Variants in CLCN6 observed in about 807,000 individuals in gnomAD.
CLCN6 encodes H(+)/Cl(-) exchange transporter 6.
CLCN6 carries 70 observed loss-of-function variants against 109.8 expected under a neutral mutation model. The observed-to-expected ratio is 0.64, with a 90% CI of 0.53 to 0.78. CLCN6 has a LOEUF of 0.78. Among genes scored for constraint, CLCN6 ranks in the 30% least tolerant of loss-of-function variants. The pLI, the probability that CLCN6 is intolerant of heterozygous loss-of-function variation, is 0.00. For synonymous variants in CLCN6, 444 were observed against 447.8 expected (o/e 0.99, Z 0.11); for missense variants, 984 against 1,142.3 (o/e 0.86, Z 2.00).
At chr1:11,839,642 T>C (rs943666369) in intron 22 of CLCN6, among the ~76,000 whole-genome samples, 4 of 152,248 alleles carry the variant, frequency 2.6e-5, no homozygotes, top group African/African-American at 9.6e-5. Context: ...GGTTAACTTA[T>C]GTCCCTTGAA....
In CLCN6 at chr1:11,827,430, C is replaced by CTTTTTTTTTTTT. The variant is rs59015951; in HGVS notation, c.840+221_840+232dup. On this transcript the variant is annotated intron_variant, in intron 10 of 22. Coordinates refer to ENST00000346436, the MANE Select transcript of CLCN6 (RefSeq NM_001286.5). ...CTAACCCCAAATCAAACCGCTGTTACTTTTTTTTTTTTTTTTTTTTTTTGA... is the reference window on the plus strand; with the variant it reads ...CTAACCCCAAATCAAACCGCTGTTACTTTTTTTTTTTTTTTTTTTTTTTTTTTTTTTTTTTGA... Among the ~76,000 whole-genome samples the CTTTTTTTTTTTT allele has an allele frequency of 1.7e-4, 18 of 105,026 alleles. 1 individual carries two copies. The highest frequency in any genetic ancestry group is 6.7e-4 in the South Asian group (2 of 3,000). The allele number at this position is 105,026 out of a possible 152,430, so 68.9% of individuals were successfully genotyped here. A position where few individuals can be genotyped will look rare whatever the true frequency, so the allele number is the denominator to read the frequency against.
chr1:11,826,303 G>T, intron 9 of CLCN6, 89 bp downstream of exon 9: 9 of 1,126,422 alleles, frequency 8.0e-6, no homozygotes, highest in Non-Finnish European at 1.2e-5. Flanking sequence ...TAGCCTGGCA[G>T]TATCCCCTGC....
intron 20 of CLCN6, among the ~76,000 whole-genome samples, chr1:11,837,774 G>T (rs1347533772): frequency 2.6e-5 from 4 of 152,128 alleles, no homozygotes; most frequent in African/African-American, 4.8e-5. Flanking sequence ...TAGCTCATGG[G>T]AGTTGCCTGC....
chr1:11,819,983 A>G (rs949947914), intron 5 of CLCN6, among the ~76,000 whole-genome samples: 29 of 152,066 alleles, frequency 1.9e-4, no homozygotes, highest in African/African-American at 4.1e-4. Flanking sequence ...GGAGTTAGGG[A>G]AAAAAAAGTC....
intron 5 of CLCN6, among the ~76,000 whole-genome samples, chr1:11,821,093 A>C (rs1249995671): frequency 6.6e-6 from 1 of 151,944 alleles, no homozygotes; most frequent in African/African-American, 2.4e-5. Flanking sequence ...ACAACAAAAA[A>C]AAAAAACAAA....
Position 11,834,006 on chromosome 1 carries a change from G to T in CLCN6, c.1502G>T (p.Arg501Leu). 1 of 1,614,080 alleles carries T rather than the reference G, an allele frequency of 6.2e-7. No individual in the cohort carries two copies. The change falls in exon 15 of 23, where the codon CGT becomes CTT. Residue 501 changes from arginine to leucine, a missense_variant. By Grantham distance (102) the Arg-to-Leu change is moderately radical. Coordinates refer to ENST00000346436, the MANE Select transcript of CLCN6 (RefSeq NM_001286.5). This position sits in a 1 kb window ranked among gnomAD's most constrained non-coding sequence, Gnocchi z 4.5. ...CTGCTGTGTGGAGCTGCTTTTGGAC[G>T]TTTAGTTGCCAATGTCCTAAAAAGG... ...PSLLCGAAFGRLVANVLKSYI... is the reference protein window; with the variant it reads ...PSLLCGAAFGLLVANVLKSYI...
chr1:11,817,672 A>G (rs1293479503), intron 4 of CLCN6, among the ~76,000 whole-genome samples: 1 of 152,232 alleles, frequency 6.6e-6, no homozygotes, highest in Non-Finnish European at 1.5e-5. Flanking sequence ...GGGATAGGGT[A>G]TCTGTCCTCA....
At chr1:11,838,244 G>A in intron 20 of CLCN6, 91 bp from the exon 21 acceptor site, 1 of 1,125,070 alleles carries the variant, frequency 8.9e-7, no homozygotes, top group South Asian at 1.3e-5. Context: ...CCTGGAGCTG[G>A]GCATATTCAG....
chr1:11,841,529 T>G lies in CLCN6; in HGVS notation c.*1306T>G, dbSNP rs757072162. On this transcript the variant is annotated 3_prime_UTR_variant, in exon 23 of 23. Coordinates refer to ENST00000346436, the MANE Select transcript of CLCN6 (RefSeq NM_001286.5). ...TGCTTATCTTCCCCCACCTTCTACA[T>G]GGTATTAGTCCCAGCAGGCATCCCT... 1 of 152,254 alleles carries G rather than the reference T, an allele frequency of 6.6e-6. No individual in the cohort carries two copies. The highest frequency in any genetic ancestry group is 1.5e-5 in the Non-Finnish European group (1 of 68,048). The allele number at this position is 152,254 out of a possible 1,614,324, so 9.4% of individuals were successfully genotyped here.
chr1:11,838,893 C>A (rs1337142441), intron 22 of CLCN6: 1 of 724,824 alleles, frequency 1.4e-6, no homozygotes, highest in Non-Finnish European at 2.6e-6. Flanking sequence ...CAGAGCCGCG[C>A]CTCTACCAGG....
chr1:11,839,070 T>C, intron 22 of CLCN6: 1 of 594,438 alleles, frequency 1.7e-6, no homozygotes, highest in Non-Finnish European at 3.0e-6. Flanking sequence ...ACTTTCCTTT[T>C]TTCTTCTTTT....
chr1:11,819,481 T>A lies in CLCN6; in HGVS notation c.280-7T>A. The A allele has an allele frequency of 6.2e-7, 1 of 1,614,010 alleles. No homozygotes were observed. On this transcript the variant is annotated splice_polypyrimidine_tract_variant and splice_region_variant and intron_variant, in intron 4 of 22. Transcript: ENST00000346436. ...AGGCTGTGTGACAGATCTCTTGCTCTTCACAGGTGGGTCTCTTTGTGGACT... is the reference window on the plus strand; with the variant it reads ...AGGCTGTGTGACAGATCTCTTGCTCATCACAGGTGGGTCTCTTTGTGGACT...
chr1:11,837,317 G>C, intron 19 of CLCN6, 26 bp from the exon 20 acceptor site: 1 of 1,600,774 alleles, frequency 6.2e-7, no homozygotes, highest in South Asian at 1.1e-5. Flanking sequence ...GGGTATCCCA[G>C]GCAGCATCTG....
At position 11,829,233 on chromosome 1, in the gene CLCN6, G is replaced by A. The variant is rs201349073; in HGVS notation, c.1159G>A (p.Val387Met). Residue 387 changes from valine to methionine, a missense_variant, in exon 13 of 23, where the codon GTG (valine) becomes ATG (methionine). By Grantham distance (21) the Val-to-Met change is conservative (BLOSUM62 1). Transcript: ENST00000346436. ...CCTCCTTGTGTCTCTGGTAACCACC[G>A]TGGTGGTGTTTGTGGCCTCGATGGT... The part of the protein sequence containing the change: ...ESLLVSLVTT[V>M]VVFVASMVLG... 97 of 1,613,982 alleles carry A rather than the reference G, an allele frequency of 6.0e-5. No individual in the cohort carries two copies. The East Asian group carries it at 1.3e-3, about 21-fold the overall frequency.
At position 11,806,913 on chromosome 1, in the gene CLCN6, A is replaced by G. The variant is rs1183433667; in HGVS notation, c.88-218A>G. Reference sequence around the variant, plus strand: ...AGGTGTCCTGAAGAGGAGGGTGGTTATTTGGAGACTATCAGTGGAAATGAA... The same window carrying G: ...AGGTGTCCTGAAGAGGAGGGTGGTTGTTTGGAGACTATCAGTGGAAATGAA... On this transcript the variant is annotated intron_variant, in intron 1 of 22. Coordinates refer to ENST00000346436, the MANE Select transcript of CLCN6 (RefSeq NM_001286.5). The G allele has an allele frequency of 1.3e-5, 7 of 558,056 alleles. No individual in the cohort carries two copies. The South Asian group carries it at 1.4e-4, about 11-fold the overall frequency. 34.6% of individuals were successfully genotyped at this position (558,056 alleles called of 1,614,324 possible). A position where few individuals can be genotyped will look rare whatever the true frequency, so the allele number is the denominator to read the frequency against.
intron 13 of CLCN6, 143 bp downstream of exon 13, chr1:11,829,465 CTG>C: frequency 1.0e-6 from 1 of 984,208 alleles, no homozygotes; most frequent in Non-Finnish European, 1.5e-6. Flanking sequence ...ATATGGGAAT[CTG>C]TAGTCGTCTT....
In CLCN6 at chr1:11,816,638, G is replaced by T; in HGVS notation, c.237G>T (p.Val79=). ...AGAAAGGTCGAAGATATGAGGCGGT[G>T]AAGTGGATGGTGGTGTTTGCCATTG... ...DNKKGRRYEA[V]KWMVVFAIGV... Residue 79 remains valine, a synonymous_variant, in exon 4 of 23, where the codon GTG becomes GTT. Coordinates refer to ENST00000346436, the MANE Select transcript of CLCN6 (RefSeq NM_001286.5). The T allele has an allele frequency of 6.2e-7, 1 of 1,613,328 alleles. No individual in the cohort carries two copies. Among genetic ancestry groups the T allele is most frequent in the Non-Finnish European group, 8.5e-7 (1 of 1,179,666 alleles).
chr1:11,833,962 T>C lies in CLCN6; in HGVS notation c.1458T>C (p.Ser486=). 1.2e-6 allele frequency: 2 copies of C among 1,613,974 alleles called. No homozygotes were observed. Among genetic ancestry groups the C allele is most frequent in the Non-Finnish European group, 1.7e-6 (2 of 1,179,986 alleles). Residue 486 remains serine, a synonymous_variant, in exon 15 of 23, where the codon AGT becomes AGC. Coordinates refer to ENST00000346436, the MANE Select transcript of CLCN6 (RefSeq NM_001286.5). ...ACWTYGISVP[S]GLFVPSLLCG... ...GGACTTACGGCATTTCTGTTCCAAG[T>C]GGCCTTTTTGTGCCTTCTCTGCTGT...
At position 11,827,203 on chromosome 1, in the gene CLCN6, A is replaced by G. The variant is rs1557427445; in HGVS notation, c.822A>G (p.Gln274=). The G allele has an allele frequency of 1.2e-6, 2 of 1,612,632 alleles. No individual in the cohort carries two copies. The highest frequency in any genetic ancestry group is 2.7e-5 in the African/African-American group (2 of 74,894). ...AGGAGGGTTCGTCCTTCTGGAACCA[A>G]GGGCTCACGTGGAAAGTGGTGAGGA... The part of the protein sequence containing the change: ...SLEEGSSFWN[Q]GLTWKVLFCS... The change falls in exon 10 of 23, where the codon CAA becomes CAG. Residue 274 remains glutamine (Q), a synonymous_variant. Coordinates refer to ENST00000346436, the MANE Select transcript of CLCN6 (RefSeq NM_001286.5).
Sources: gnomAD v4.1 joint callset for allele counts (sites outside exome capture counted in the v4.1 genomes callset) on GRCh38, gnomAD v4.1.1 for gene constraint, Gnocchi (gnomAD v3.1) non-coding constraint, MANE v1.5 for transcripts, NCBI Gene and HGNC (gene_info 2026-07-23, HGNC 2026-07-21) for gene names.